The following ADAMTS9 variants were observed in gnomAD, a reference collection of about 807,000 sequenced individuals.
ADAMTS9 encodes A disintegrin and metalloproteinase with thrombospondin motifs 9.
Under a neutral mutation model 257.1 loss-of-function variants are expected in ADAMTS9, and 107 were observed. The observed-to-expected ratio is 0.42, with a 90% CI of 0.36 to 0.49. ADAMTS9 has a LOEUF of 0.49. Ranked by LOEUF, ADAMTS9 falls within the 20% of genes least tolerant of loss-of-function variation. The pLI, the probability that ADAMTS9 is intolerant of heterozygous loss-of-function variation, is 0.03. For missense variants in ADAMTS9, 2,353 were observed against 2,469.1 expected (o/e 0.95, Z 1.00); for synonymous variants, 982 against 880.9 (o/e 1.11, Z -2.03).
chr3:64,599,687 C>A (rs1163699077), intron 26 of ADAMTS9, among the ~76,000 whole-genome samples: 1 of 152,202 alleles, frequency 6.6e-6, no homozygotes, highest in Non-Finnish European at 1.5e-5. Context: ...TTCATTAAGA[C>A]AGAAACTCTC....
chr3:64,587,134 C>G (rs2084172415), intron 28 of ADAMTS9: 1 of 152,168 alleles, frequency 6.6e-6, no homozygotes, highest in Admixed American at 6.6e-5. Context: ...AGTTACTACT[C>G]TCAAGACCCC....
intron 3 of ADAMTS9, among the ~76,000 whole-genome samples, chr3:64,667,986 T>A (rs906810206): frequency 1.3e-5 from 2 of 152,228 alleles, no homozygotes; most frequent in African/African-American, 4.8e-5. Flanking sequence ...TTAGTTTTGC[T>A]ATTAATATCC....
chr3:64,630,205 T>G (rs1700333387), intron 16 of ADAMTS9, among the ~76,000 whole-genome samples: 1 of 152,178 alleles, frequency 6.6e-6, no homozygotes, highest in Non-Finnish European at 1.5e-5. Flanking sequence ...CCATGTCCTC[T>G]TTCTTTTAAA....
intron 16 of ADAMTS9, among the ~76,000 whole-genome samples, chr3:64,631,169 T>G (rs1485790292): frequency 6.6e-6 from 1 of 152,214 alleles, no homozygotes; most frequent in East Asian, 1.9e-4. Flanking sequence ...TATGCTAAAC[T>G]TAGAGGATAA....
chr3:64,597,088 G>T, intron 26 of ADAMTS9, 97 bp from the exon 27 acceptor site: 1 of 1,481,108 alleles, frequency 6.8e-7, no homozygotes, highest in Non-Finnish European at 9.2e-7. Flanking sequence ...GTGCTGAAAA[G>T]CATTCTCAAG....
At chr3:64,562,883 ATT>A (rs1354358838) in intron 29 of ADAMTS9, 1 of 152,186 alleles carries the variant, frequency 6.6e-6, no homozygotes, top group East Asian at 1.9e-4. Flanking sequence ...CTGAATGGTA[ATT>A]TTCTCTCCAT....
intron 28 of ADAMTS9, among the ~76,000 whole-genome samples, chr3:64,591,343 G>A (rs1366021413): frequency 6.6e-6 from 1 of 151,978 alleles, no homozygotes; most frequent in Non-Finnish European, 1.5e-5. Context: ...GGGAGGCTGA[G>A]GCATGAGAAT....
At chr3:64,533,075 T>C in intron 38 of ADAMTS9, 91 bp downstream of exon 38, 1 of 1,188,542 alleles carries the variant, frequency 8.4e-7, no homozygotes, top group Middle Eastern at 2.0e-4. Context: ...GCACATTCGT[T>C]TGCTCCTTCA....
At chr3:64,676,688 G>T (rs4566532) in intron 3 of ADAMTS9, among the ~76,000 whole-genome samples, 94,700 of 151,946 alleles carry the variant, frequency 0.62, 29,664 homozygotes, top group Admixed American at 0.72. Context: ...CTCCCAAAGG[G>T]CACTTAGGCT....
intron 30 of ADAMTS9, among the ~76,000 whole-genome samples, chr3:64,557,499 C>G (rs572332058): frequency 3.1e-4 from 47 of 152,230 alleles, no homozygotes; most frequent in Admixed American, 5.2e-4. Flanking sequence ...CTGACCACTG[C>G]GAGGACAAAT....
rs1317462106 is a variant in ADAMTS9, at chr3:64,568,367, C to T, written c.4524+1G>A. 1 of 1,609,138 alleles carries T rather than the reference C, an allele frequency of 6.2e-7. No individual in the cohort carries two copies. Among genetic ancestry groups the T allele is most frequent in the African/African-American group, 1.3e-5 (1 of 74,408 alleles). On this transcript the variant is annotated splice_donor_variant, in intron 29 of 39. Transcript: ENST00000498707. LOFTEE classifies it high-confidence loss of function. ...GTCAGTAGAGGAGAAGCATTGCTCA[C>T]CTGACTCCAAGCGCCAGCTTTCCAT...
intron 26 of ADAMTS9, among the ~76,000 whole-genome samples, chr3:64,597,773 T>C (rs982698660): frequency 6.6e-6 from 1 of 152,204 alleles, no homozygotes; most frequent in African/African-American, 2.4e-5. Flanking sequence ...CCTGAAGTGT[T>C]TTCTTCTTTC....
chr3:64,617,085 T>C (rs1273193498), intron 19 of ADAMTS9, among the ~76,000 whole-genome samples: 1 of 152,160 alleles, frequency 6.6e-6, no homozygotes, highest in African/African-American at 2.4e-5. Flanking sequence ...ATTTGGGGGA[T>C]TTTGTTCTAA....
At chr3:64,608,153 C>G (rs2084592161) in intron 22 of ADAMTS9, among the ~76,000 whole-genome samples, 1 of 137,984 alleles carries the variant, frequency 7.2e-6, no homozygotes, top group Non-Finnish European at 1.5e-5. Flanking sequence ...TCTATAGTTG[C>G]AAACACCTAC....
At chr3:64,600,557 C>T (rs767026823) in intron 26 of ADAMTS9, among the ~76,000 whole-genome samples, 1 of 152,200 alleles carries the variant, frequency 6.6e-6, no homozygotes, top group Non-Finnish European at 1.5e-5. Context: ...AATCCTAGCG[C>T]TATCATTAGA....
intron 6 of ADAMTS9, among the ~76,000 whole-genome samples, chr3:64,655,022 T>A (rs7624380): frequency 0.041 from 6,297 of 152,288 alleles, 445 homozygotes; most frequent in African/African-American, 0.14. Flanking sequence ...GGAGGCACAA[T>A]TAAGCCAGCA....
chr3:64,674,262 G>A (rs1701569538), intron 3 of ADAMTS9, among the ~76,000 whole-genome samples: 1 of 151,554 alleles, frequency 6.6e-6, no homozygotes, highest in Non-Finnish European at 1.5e-5. Context: ...AGTCATTGAA[G>A]ACTATAAAAA....
chr3:64,561,916 T>G (rs2083433906), intron 29 of ADAMTS9, 165 bp from the exon 30 acceptor site: 1 of 647,030 alleles, frequency 1.5e-6, no homozygotes. Context: ...AGATCATGTC[T>G]TAAACCTGGA....
At position 64,631,387 on chromosome 3, in the gene ADAMTS9, A is replaced by T. The variant is rs1021321066; in HGVS notation, c.2389+68T>A. On this transcript the variant is annotated intron_variant, in intron 16 of 39. Coordinates refer to ENST00000498707, the MANE Select transcript of ADAMTS9 (RefSeq NM_182920.2). ...CTCTGCCTCTGCATGCCAGAGAAGGAAGGAAGCAGTATCTGGCCACTGCTC... is the reference window on the plus strand; with the variant it reads ...CTCTGCCTCTGCATGCCAGAGAAGGTAGGAAGCAGTATCTGGCCACTGCTC... 6.7e-5 allele frequency: 83 copies of T among 1,236,382 alleles called. No homozygotes were observed. The East Asian group carries it at 1.9e-3, about 28-fold the overall frequency. The allele number at this position is 1,236,382 out of a possible 1,614,324, so 76.6% of individuals were successfully genotyped here.
Sources: allele counts gnomAD v4.1 joint callset (sites outside exome capture counted in the v4.1 genomes callset), GRCh38; gene constraint gnomAD v4.1.1; transcripts MANE v1.5; gene names NCBI Gene and HGNC (gene_info 2026-07-23, HGNC 2026-07-21).